MTCL2: variants seen among roughly 807,000 people sequenced by gnomAD.
MTCL2 encodes microtubule crosslinking factor 2.
At chr20:36,833,981 G>A in the MTCL2 span, among the ~76,000 whole-genome samples, 1 of 152,042 alleles carries the variant, frequency 6.6e-6, no homozygotes, top group African/African-American at 2.4e-5. Context: ...CGGTCAACAC[G>A]GTGAAACCCC....
chr20:36,837,756 T>C, the MTCL2 span, among the ~76,000 whole-genome samples: 3 of 151,904 alleles, frequency 2.0e-5, no homozygotes, highest in Admixed American at 6.6e-5. Context: ...TGTGTATTTT[T>C]AGTAGAGATG....
chr20:36,841,559 G>T, the MTCL2 span, among the ~76,000 whole-genome samples: 3 of 152,136 alleles, frequency 2.0e-5, no homozygotes, highest in African/African-American at 7.2e-5. Context: ...CCAAGGCTCA[G>T]AGGCAGGAAA....
the MTCL2 span, among the ~76,000 whole-genome samples, chr20:36,800,092 T>C: frequency 6.6e-6 from 1 of 152,040 alleles, no homozygotes; most frequent in Non-Finnish European, 1.5e-5. Flanking sequence ...GGGGATTTGG[T>C]TTAAAGTGCA....
chr20:36,853,558 CTAT>C, the MTCL2 span, among the ~76,000 whole-genome samples: 1 of 152,232 alleles, frequency 6.6e-6, no homozygotes, highest in East Asian at 1.9e-4. Context: ...GAGGCAGGCA[CTAT>C]TATTATTTTA....
At chr20:36,835,368 C>T in the MTCL2 span, among the ~76,000 whole-genome samples, 2 of 151,764 alleles carry the variant, frequency 1.3e-5, no homozygotes, top group African/African-American at 4.8e-5. Flanking sequence ...CCCACCAATA[C>T]CCCTCTGCTC....
chr20:36,854,673 G>A, the MTCL2 span, among the ~76,000 whole-genome samples: 1 of 152,152 alleles, frequency 6.6e-6, no homozygotes, highest in Admixed American at 6.5e-5. Flanking sequence ...GAGCCCAGAA[G>A]ACCCAAAGCA....
At chr20:36,853,052 G>A in the MTCL2 span, among the ~76,000 whole-genome samples, 5 of 144,408 alleles carry the variant, frequency 3.5e-5, no homozygotes, top group Admixed American at 2.8e-4. Flanking sequence ...GTGAGACTTC[G>A]TCTCCAAAAA....
the MTCL2 span, among the ~76,000 whole-genome samples, chr20:36,858,067 ATG>A: frequency 6.6e-6 from 1 of 152,036 alleles, no homozygotes; most frequent in South Asian, 2.1e-4. Context: ...CTCTCACCAA[ATG>A]TGTCTCAGCC....
At chr20:36,784,307 C>T in the MTCL2 span, 1 of 986,170 alleles carries the variant, frequency 1.0e-6, no homozygotes, top group Non-Finnish European at 1.2e-6. Flanking sequence ...ACACCAGTCA[C>T]TGGGGCATGG....
the MTCL2 span, among the ~76,000 whole-genome samples, chr20:36,853,839 G>A: frequency 6.6e-6 from 1 of 152,112 alleles, no homozygotes; most frequent in African/African-American, 2.4e-5. Flanking sequence ...TGGCAGAGCA[G>A]GGAGATATCC....
At chr20:36,793,788 G>A in the MTCL2 span, 4 of 1,540,952 alleles carry the variant, frequency 2.6e-6, no homozygotes, top group Middle Eastern at 1.7e-4. The surrounding 1 kb of genome is among the most constrained non-coding windows in gnomAD (Gnocchi z 6.8). Flanking sequence ...CAGCAGGGCC[G>A]CTCGATGCGC....
the MTCL2 span, chr20:36,805,937 C>G: frequency 1.2e-6 from 2 of 1,612,694 alleles, no homozygotes; most frequent in Middle Eastern, 3.3e-4. Flanking sequence ...TCAGCAAGTA[C>G]AGCTCCTTCA....
the MTCL2 span, among the ~76,000 whole-genome samples, chr20:36,833,038 T>G: frequency 6.6e-6 from 1 of 152,124 alleles, no homozygotes; most frequent in Non-Finnish European, 1.5e-5. Context: ...GGGAAGCACT[T>G]TGATTATTAT....
the MTCL2 span, among the ~76,000 whole-genome samples, chr20:36,859,095 C>A: frequency 2.0e-5 from 3 of 152,196 alleles, no homozygotes; most frequent in Non-Finnish European, 2.9e-5. Context: ...CAGGCCCCAT[C>A]ACCTTTATTA....
chr20:36,840,560 A>G, the MTCL2 span, among the ~76,000 whole-genome samples: 1 of 149,634 alleles, frequency 6.7e-6, no homozygotes, highest in Non-Finnish European at 1.5e-5. Flanking sequence ...TTTAAGAAAC[A>G]TGGATGAGGT....
the MTCL2 span, among the ~76,000 whole-genome samples, chr20:36,821,040 A>G: frequency 1.3e-5 from 2 of 152,216 alleles, no homozygotes; most frequent in Non-Finnish European, 2.9e-5. Flanking sequence ...ACAAAGTTGC[A>G]TGGTTCAACA....
the MTCL2 span, among the ~76,000 whole-genome samples, chr20:36,800,060 T>C: frequency 6.6e-6 from 1 of 152,154 alleles, no homozygotes; most frequent in Non-Finnish European, 1.5e-5. Flanking sequence ...GTCAGTCCAG[T>C]GTAAAGAAGA....
At chr20:36,796,711 G>A in the MTCL2 span, among the ~76,000 whole-genome samples, 15 of 152,126 alleles carry the variant, frequency 9.9e-5, no homozygotes, top group African/African-American at 3.1e-4. Flanking sequence ...ACCATATCCC[G>A]ATGCTCTCCC....
chr20:36,846,205 CAAAAAAAA>C, the MTCL2 span, among the ~76,000 whole-genome samples: 1 of 122,426 alleles, frequency 8.2e-6, no homozygotes. Flanking sequence ...GACTGTGTCT[CAAAAAAAA>C]AAAAAAAATC....
Sources: allele counts gnomAD v4.1 joint callset (sites outside exome capture counted in the v4.1 genomes callset), GRCh38; gene constraint gnomAD v4.1.1; non-coding constraint Gnocchi (gnomAD v3.1); transcripts MANE v1.5; gene names NCBI Gene and HGNC (gene_info 2026-07-23, HGNC 2026-07-21).